The following LAMA2 variants were observed in gnomAD, a reference collection of about 807,000 sequenced individuals.
LAMA2 encodes laminin subunit alpha-2.
A neutral mutation model predicts 364.8 loss-of-function variants in LAMA2; 269 were observed. The observed-to-expected ratio is 0.74, with a 90% CI of 0.67 to 0.82. The LOEUF (loss-of-function observed/expected upper bound fraction) is 0.82, where lower values mean the gene tolerates loss of function less well. LAMA2 is among the 40% of genes least tolerant of loss of function. The pLI, the probability that LAMA2 is intolerant of heterozygous loss-of-function variation, is 0.00. For missense variants in LAMA2, 3,807 were observed against 3,873.2 expected, an observed-to-expected ratio of 0.98 and a Z score of 0.45; for synonymous variants, 1,379 against 1,370.6, an observed-to-expected ratio of 1.01 and a Z score of -0.14.
At chr6:129,130,968 C>G (rs193262417) in intron 4 of LAMA2, among the ~76,000 whole-genome samples, 1,929 of 152,258 alleles carry the variant, frequency 0.013, 71 homozygotes, top group Admixed American at 0.086. Context: ...CAGCAACATT[C>G]ATTATAATTT....
chr6:129,370,679 T>A (rs766299111), intron 34 of LAMA2, among the ~76,000 whole-genome samples: 1 of 152,228 alleles, frequency 6.6e-6, no homozygotes, highest in Non-Finnish European at 1.5e-5. Context: ...GAGCTTTAAA[T>A]GATAAAGAGT....
rs200351747 is a variant in LAMA2, at chr6:129,200,342, ATATGTG to A, written c.1782+7492_1782+7497del. On this transcript the variant is annotated intron_variant, in intron 12 of 64. Transcript: ENST00000421865. ...CGTGTACACATATACATATACACGT[ATATGTG>A]TACACATATACATATACACGTGTAT... is the stretch of plus-strand genomic sequence containing the variant. 4.4e-4 allele frequency among the ~76,000 whole-genome samples: 53 copies of A among 121,184 alleles called. 2 individuals are homozygous for A. The highest frequency in any genetic ancestry group is 1.0e-3 in the African/African-American group (37 of 35,448). The allele number at this position is 121,184 out of a possible 152,430, so 79.5% of individuals were successfully genotyped here. A position where few individuals can be genotyped will look rare whatever the true frequency, so the allele number is the denominator to read the frequency against.
intron 12 of LAMA2, among the ~76,000 whole-genome samples, chr6:129,237,703 C>G (rs1265096218): frequency 6.6e-6 from 1 of 152,070 alleles, no homozygotes; most frequent in Non-Finnish European, 1.5e-5. Flanking sequence ...ACTGCTATGT[C>G]AAAGTATATA....
chr6:129,371,541 G>A (rs13204236), intron 34 of LAMA2, among the ~76,000 whole-genome samples: 2,524 of 151,784 alleles, frequency 0.017, 31 homozygotes, highest in Non-Finnish European at 0.027. Context: ...GCAAAACTGC[G>A]CAGTCCTTGC....
At chr6:129,251,762 C>T (rs1786261956) in intron 13 of LAMA2, among the ~76,000 whole-genome samples, 1 of 151,966 alleles carries the variant, frequency 6.6e-6, no homozygotes, top group Non-Finnish European at 1.5e-5. Flanking sequence ...GCAAAACCCC[C>T]GCCTCTTCTA....
At chr6:129,173,517 A>G (rs1583187888) in intron 9 of LAMA2, among the ~76,000 whole-genome samples, 1 of 152,200 alleles carries the variant, frequency 6.6e-6, no homozygotes, top group African/African-American at 2.4e-5. Flanking sequence ...GTGTCTGTCA[A>G]TTACATATCT....
At chr6:129,355,448 G>A (rs919990493) in intron 32 of LAMA2, among the ~76,000 whole-genome samples, 6 of 152,160 alleles carry the variant, frequency 3.9e-5, no homozygotes, top group South Asian at 2.1e-4. Context: ...AAGTGAGGAT[G>A]TAATTCTGAC....
chr6:128,917,292 G>T (rs1309579247), intron 1 of LAMA2, among the ~76,000 whole-genome samples: 1 of 151,940 alleles, frequency 6.6e-6, no homozygotes, highest in Non-Finnish European at 1.5e-5. Context: ...TGCAAAATTG[G>T]TTGAGTACCT....
chr6:129,502,728 A>T lies in LAMA2; in HGVS notation c.8314A>T (p.Ser2772Cys), dbSNP rs771798772. ...GSKQFGLSRN[S>C]HIAIAFDDTK... ...CAAGCAGTTCGGGCTTTCAAGAAAC[A>T]GTCACATTGCAATTGCATTTGATGA... is the stretch of plus-strand genomic sequence containing the variant. Residue 2772 changes from serine (S) to cysteine (C), a missense_variant, in exon 59 of 65, where the codon AGT becomes TGT. Around this residue, in one of 3 missense-constraint regions of LAMA2, gnomAD observed 3,333 missense variants for 3,345.7 expected, o/e 1.00. Coordinates refer to ENST00000421865, the MANE Select transcript of LAMA2 (RefSeq NM_000426.4). The T allele has an allele frequency of 1.9e-6, 3 of 1,614,032 alleles. No individual in the cohort carries two copies. Among genetic ancestry groups the T allele is most frequent in the South Asian group, 2.2e-5 (2 of 91,088 alleles).
At chr6:129,314,951 A>G (rs1774485386) in intron 24 of LAMA2, among the ~76,000 whole-genome samples, 153 bp downstream of exon 24, 1 of 152,212 alleles carries the variant, frequency 6.6e-6, no homozygotes, top group South Asian at 2.1e-4. Context: ...GTCACGTGCC[A>G]TTAGAGAGTT....
intron 12 of LAMA2, among the ~76,000 whole-genome samples, chr6:129,224,445 C>A (rs1043959288): frequency 1.3e-5 from 2 of 152,030 alleles, no homozygotes; most frequent in Non-Finnish European, 2.9e-5. Context: ...GGAATGCTTC[C>A]AGTTTTTGCC....
intron 1 of LAMA2, among the ~76,000 whole-genome samples, chr6:129,044,324 C>G (rs1787316830): frequency 6.6e-6 from 1 of 152,054 alleles, no homozygotes; most frequent in Admixed American, 6.5e-5. Context: ...TAAAATGTTT[C>G]TGCCATTTGA....
At chr6:128,974,534 G>T (rs1351352814) in intron 1 of LAMA2, among the ~76,000 whole-genome samples, 1 of 152,144 alleles carries the variant, frequency 6.6e-6, no homozygotes, top group African/African-American at 2.4e-5. Context: ...ATATTAAAAT[G>T]TATTCAATTA....
At chr6:129,101,643 C>G (rs1031131630) in intron 4 of LAMA2, among the ~76,000 whole-genome samples, 1 of 152,182 alleles carries the variant, frequency 6.6e-6, no homozygotes, top group Admixed American at 6.5e-5. Context: ...TTCCATTTCC[C>G]CATTACACTA....
At chr6:129,477,703 G>C (rs915115327) in intron 53 of LAMA2, among the ~76,000 whole-genome samples, 3 of 132,974 alleles carry the variant, frequency 2.3e-5, no homozygotes, top group African/African-American at 1.0e-4. Context: ...TTTTGCATTT[G>C]GTTGCTTTAT....
At chr6:128,959,037 A>G (rs1245575804) in intron 1 of LAMA2, among the ~76,000 whole-genome samples, 2 of 152,186 alleles carry the variant, frequency 1.3e-5, no homozygotes, top group Non-Finnish European at 2.9e-5. Context: ...TTAAAACCAT[A>G]TAAATATTAC....
chr6:129,238,773 A>T (rs534177645), intron 12 of LAMA2, among the ~76,000 whole-genome samples: 1 of 152,220 alleles, frequency 6.6e-6, no homozygotes, highest in African/African-American at 2.4e-5. Context: ...AACCTACATT[A>T]TACAATTTCC....
intron 12 of LAMA2, among the ~76,000 whole-genome samples, chr6:129,249,385 ATTT>A (rs1343010878): frequency 6.6e-6 from 1 of 152,066 alleles, no homozygotes. Flanking sequence ...TTGCTTTCCT[ATTT>A]TTTTCTGAAT....
intron 38 of LAMA2, among the ~76,000 whole-genome samples, chr6:129,401,924 T>C (rs1455658850): frequency 1.3e-5 from 2 of 152,178 alleles, no homozygotes; most frequent in Admixed American, 6.5e-5. Context: ...ACTAAACATG[T>C]GGGCCAGGCA....
Sources: allele counts gnomAD v4.1 joint callset (sites outside exome capture counted in the v4.1 genomes callset), GRCh38; gene constraint gnomAD v4.1.1; regional missense constraint gnomAD v4.1.1; transcripts MANE v1.5; gene names NCBI Gene and HGNC (gene_info 2026-07-23, HGNC 2026-07-21).